Variants in BNC2 observed in about 807,000 individuals in gnomAD.
BNC2 encodes the protein basonuclin zinc finger protein 2, also known as zinc finger protein basonuclin-2.
A neutral mutation model predicts 76.3 loss-of-function variants in BNC2; 20 were observed. The observed-to-expected ratio is 0.26, with a 90% confidence interval of 0.18 to 0.38. The LOEUF (loss-of-function observed/expected upper bound fraction) is 0.38, where lower values mean the gene tolerates loss of function less well. Among genes scored for constraint, BNC2 ranks in the 10% least tolerant of loss-of-function variants. The probability of loss-of-function intolerance (pLI) is 1.00; values close to 1 mark genes in which losing one functional copy is unlikely to be tolerated. For synonymous variants in BNC2, 582 were observed against 514.8 expected, an observed-to-expected ratio of 1.13 and a Z score of -1.77; for missense variants, 1,382 against 1,399.8, an observed-to-expected ratio of 0.99 and a Z score of 0.20.
At chr9:16,652,857 C>CTT (rs1254959378) in intron 3 of BNC2, among the ~76,000 whole-genome samples, 1 of 152,100 alleles carries the variant, frequency 6.6e-6, no homozygotes, top group African/African-American at 2.4e-5. Context: ...GTAACTGAAA[C>CTT]ACCTTCTACT....
intron 1 of BNC2, among the ~76,000 whole-genome samples, chr9:16,799,530 G>T (rs1696783970): frequency 6.6e-6 from 1 of 152,068 alleles, no homozygotes; most frequent in Non-Finnish European, 1.5e-5. Context: ...GGCCAGGCTG[G>T]TCTCGAACTC....
intron 2 of BNC2, among the ~76,000 whole-genome samples, chr9:16,729,102 T>C (rs972991965): frequency 2.0e-5 from 3 of 152,186 alleles, no homozygotes; most frequent in Admixed American, 6.5e-5. Context: ...CTTGATAACA[T>C]GTCGTATTTT....
intron 1 of BNC2, among the ~76,000 whole-genome samples, chr9:16,814,250 TTGG>T (rs1818126953): frequency 6.6e-6 from 1 of 152,228 alleles, no homozygotes; most frequent in Non-Finnish European, 1.5e-5. Context: ...ATTTATATAG[TTGG>T]TGGGCCAGCA....
chr9:16,660,181 G>A (rs10756777), intron 3 of BNC2, among the ~76,000 whole-genome samples: 6,445 of 152,214 alleles, frequency 0.042, 576 homozygotes, highest in East Asian at 0.39. Flanking sequence ...GGGGCCGGGC[G>A]CGGTGGCTCA....
At chr9:16,837,215 CA>C (rs921253169) in intron 1 of BNC2, among the ~76,000 whole-genome samples, 2 of 152,084 alleles carry the variant, frequency 1.3e-5, no homozygotes, top group African/African-American at 4.8e-5. Flanking sequence ...CTTAGAAAAC[CA>C]TAATTCTGGC....
chr9:16,826,037 C>A (rs34685320), intron 1 of BNC2, among the ~76,000 whole-genome samples: 3 of 152,122 alleles, frequency 2.0e-5, no homozygotes, highest in African/African-American at 7.2e-5. Flanking sequence ...AGGCTGATGA[C>A]GAGGGACACA....
chr9:16,556,631 G>A (rs1273079966), intron 4 of BNC2, among the ~76,000 whole-genome samples: 2 of 146,238 alleles, frequency 1.4e-5, no homozygotes, highest in East Asian at 3.9e-4. Flanking sequence ...AGCTGGGCAT[G>A]ATGGTGCGCG....
At chr9:16,746,831 G>A (rs7043797) in intron 1 of BNC2, among the ~76,000 whole-genome samples, 130,223 of 151,352 alleles carry the variant, frequency 0.86, 56,414 homozygotes, top group Non-Finnish European at 0.91. Flanking sequence ...GCGTGGTGGC[G>A]GGTGCCTGTA....
chr9:16,657,731 T>G (rs1821971007), intron 3 of BNC2, among the ~76,000 whole-genome samples: 1 of 130,250 alleles, frequency 7.7e-6, no homozygotes, highest in African/African-American at 4.7e-5. Flanking sequence ...TGCAGACTCT[T>G]AAAGATGATA....
rs140518542 is a variant in BNC2, at chr9:16,533,206, G to T, written c.669+19324C>A. On this transcript the variant is annotated intron_variant, in intron 5 of 6. Coordinates refer to ENST00000380672, the MANE Select transcript of BNC2 (RefSeq NM_017637.6). ...AACATAACATGGAGCATGATTTCTGGATATGAAAAACATTAGATATGACAA... is the reference window on the plus strand; with the variant it reads ...AACATAACATGGAGCATGATTTCTGTATATGAAAAACATTAGATATGACAA... Among the ~76,000 whole-genome samples, 1,274 of 152,202 alleles carry T rather than the reference G, an allele frequency of 8.4e-3. 56 individuals carry two copies. In the South Asian group the frequency reaches 0.13, roughly 16 times the overall value.
At chr9:16,677,122 A>G (rs1436379738) in intron 3 of BNC2, among the ~76,000 whole-genome samples, 1 of 152,250 alleles carries the variant, frequency 6.6e-6, no homozygotes, top group African/African-American at 2.4e-5. Context: ...ACCACAAGCT[A>G]GTAAAAGTAA....
intron 4 of BNC2, chr9:16,579,820 A>C (rs1363130971): frequency 3.3e-6 from 1 of 299,632 alleles, no homozygotes; most frequent in Non-Finnish European, 6.1e-6. Flanking sequence ...TTATTCAAGA[A>C]AGGAGGTCAA....
At chr9:16,732,628 A>G (rs1587361761) in intron 2 of BNC2, among the ~76,000 whole-genome samples, 1 of 152,234 alleles carries the variant, frequency 6.6e-6, no homozygotes, top group East Asian at 1.9e-4. Context: ...AACAGATTCT[A>G]TAATCTGTAA....
At chr9:16,805,594 C>T (rs1236336303) in intron 1 of BNC2, among the ~76,000 whole-genome samples, 1 of 152,132 alleles carries the variant, frequency 6.6e-6, no homozygotes, top group Non-Finnish European at 1.5e-5. Flanking sequence ...TCCCACAGTG[C>T]TGGGATTACA....
At chr9:16,535,958 C>T (rs1484259201) in intron 5 of BNC2, among the ~76,000 whole-genome samples, 2 of 152,074 alleles carry the variant, frequency 1.3e-5, no homozygotes, top group Non-Finnish European at 2.9e-5. Flanking sequence ...CAGTTATCTC[C>T]ACTGCCCCAA....
At chr9:16,802,044 C>T (rs1007196211) in intron 1 of BNC2, among the ~76,000 whole-genome samples, 2 of 151,924 alleles carry the variant, frequency 1.3e-5, no homozygotes, top group African/African-American at 4.8e-5. Flanking sequence ...CACACGCCTG[C>T]TTCGTATCCA....
chr9:16,450,913 T>C (rs967487818), intron 5 of BNC2, among the ~76,000 whole-genome samples: 25 of 152,330 alleles, frequency 1.6e-4, no homozygotes, highest in African/African-American at 5.8e-4. Context: ...CTCTTTTCTT[T>C]TAGTCTTTGC....
In BNC2 at chr9:16,415,160, C is replaced by G. The variant is rs1160415173; in HGVS notation, c.*3829G>C. The G allele has an allele frequency of 6.6e-6, 1 of 152,230 alleles. No homozygotes were observed. Among genetic ancestry groups the G allele is most frequent in the Non-Finnish European group, 1.5e-5 (1 of 68,026 alleles). The allele number at this position is 152,230 out of a possible 1,614,324, so 9.4% of individuals were successfully genotyped here. A position where few individuals can be genotyped will look rare whatever the true frequency, so the allele number is the denominator to read the frequency against. Reference sequence around the variant, plus strand: ...CTGAACAGGGCAGCTGGACTAAGATCTGGAATGAGTTACATTGGGTTGACT... The same window carrying G: ...CTGAACAGGGCAGCTGGACTAAGATGTGGAATGAGTTACATTGGGTTGACT... On this transcript the variant is annotated 3_prime_UTR_variant, in exon 7 of 7. Coordinates refer to ENST00000380672, the MANE Select transcript of BNC2 (RefSeq NM_017637.6).
intron 4 of BNC2, among the ~76,000 whole-genome samples, chr9:16,568,944 A>T (rs910010119): frequency 3.3e-5 from 5 of 152,162 alleles, no homozygotes; most frequent in African/African-American, 1.2e-4. Context: ...ACAACTTTCT[A>T]ACTGTAACTG....
Sources: gnomAD v4.1 joint callset for allele counts (sites outside exome capture counted in the v4.1 genomes callset) on GRCh38, gnomAD v4.1.1 for gene constraint, MANE v1.5 for transcripts, NCBI Gene and HGNC (gene_info 2026-07-23, HGNC 2026-07-21) for gene names.